BMPR1B: variants seen among roughly 807,000 people sequenced by gnomAD.
BMPR1B encodes bone morphogenetic protein receptor type-1B.
BMPR1B carries 12 observed loss-of-function variants against 59.1 expected under a neutral mutation model. The observed-to-expected ratio is 0.20, with a 90% CI of 0.13 to 0.33. The LOEUF (loss-of-function observed/expected upper bound fraction) is 0.33. Among genes scored for constraint, BMPR1B ranks in the 10% least tolerant of loss-of-function variants. The probability of loss-of-function intolerance (pLI) is 1.00; values close to 1 mark genes in which losing one functional copy is unlikely to be tolerated. For synonymous variants in BMPR1B, 237 were observed against 207.3 expected, an observed-to-expected ratio of 1.14 and a Z score of -1.23; for missense variants, 550 against 610.9, an observed-to-expected ratio of 0.90 and a Z score of 1.05.
chr4:94,775,589 G>A (rs186282446), intron 1 of BMPR1B, among the ~76,000 whole-genome samples: 1 of 152,218 alleles, frequency 6.6e-6, no homozygotes, highest in African/African-American at 2.4e-5. Context: ...ATTTTCCCTT[G>A]GATGAATTAT....
rs191933334 is a variant in BMPR1B, at chr4:94,937,612, G to A, written c.-112-58428G>A. Among the ~76,000 whole-genome samples the A allele has an allele frequency of 8.5e-5, 13 of 152,102 alleles. No individual in the cohort carries two copies. In the East Asian group the frequency reaches 1.9e-3, roughly 23 times the overall value. On this transcript the variant is annotated intron_variant, in intron 2 of 12. Coordinates refer to ENST00000515059, the MANE Select transcript of BMPR1B (RefSeq NM_001203.3). ...GTTTAGGGTTGAGATTTTATCTGAC[G>A]GGCAAGACTTAAATACATGAAATAA... is the stretch of plus-strand genomic sequence containing the variant.
At chr4:95,088,558 A>G (rs1729758793) in intron 3 of BMPR1B, among the ~76,000 whole-genome samples, 2 of 152,222 alleles carry the variant, frequency 1.3e-5, no homozygotes, top group African/African-American at 4.8e-5. Context: ...ATGTCATAAT[A>G]GCACAATTTT....
intron 1 of BMPR1B, among the ~76,000 whole-genome samples, chr4:94,802,256 G>A (rs367593306): frequency 2.6e-5 from 4 of 152,260 alleles, no homozygotes; most frequent in South Asian, 2.1e-4. Context: ...GGAGTCTGGC[G>A]TAGGGCTGTG....
intron 3 of BMPR1B, among the ~76,000 whole-genome samples, chr4:95,011,214 T>C (rs1259456891): frequency 1.3e-5 from 2 of 152,130 alleles, no homozygotes; most frequent in Non-Finnish European, 2.9e-5. Flanking sequence ...CCAATAGTTA[T>C]TTTTTCTGCT....
chr4:94,939,591 A>G (rs1462772992), intron 2 of BMPR1B, among the ~76,000 whole-genome samples: 1 of 152,188 alleles, frequency 6.6e-6, no homozygotes, highest in African/African-American at 2.4e-5. Flanking sequence ...GTTCAGAGCA[A>G]ACTGATAACT....
intron 6 of BMPR1B, among the ~76,000 whole-genome samples, chr4:95,116,421 G>GCGCGCGCACACACACACACACACA: frequency 1.8e-3 from 224 of 123,228 alleles, no homozygotes; most frequent in African/African-American, 7.4e-3. Context: ...TTCAGCGCGC[G>GCGCGCGCACACACACACACACACA]CACACACACA....
intron 2 of BMPR1B, among the ~76,000 whole-genome samples, chr4:94,946,987 G>A (rs1003421436): frequency 2.6e-5 from 4 of 152,106 alleles, no homozygotes; most frequent in Admixed American, 2.6e-4. Context: ...GGGAGGCAGA[G>A]GTTGCAGCGA....
intron 1 of BMPR1B, among the ~76,000 whole-genome samples, chr4:94,790,636 A>G (rs563539392): frequency 1.3e-4 from 20 of 152,338 alleles, no homozygotes; most frequent in Admixed American, 2.6e-4. Flanking sequence ...TTTAAGCTCT[A>G]CAATTTCAGT....
intron 2 of BMPR1B, among the ~76,000 whole-genome samples, chr4:94,951,589 T>C (rs1729940136): frequency 6.6e-6 from 1 of 151,092 alleles, no homozygotes; most frequent in African/African-American, 2.4e-5. Context: ...TGATTTGCCT[T>C]GCATCCCAGG....
chr4:94,816,271 C>G (rs1055910527), intron 1 of BMPR1B, among the ~76,000 whole-genome samples: 1 of 152,132 alleles, frequency 6.6e-6, no homozygotes, highest in Non-Finnish European at 1.5e-5. Flanking sequence ...TTCAGCCTCC[C>G]GAGTACCTGG....
intron 1 of BMPR1B, among the ~76,000 whole-genome samples, chr4:94,812,195 CAGTT>C (rs34768636): frequency 0.14 from 21,933 of 151,918 alleles, 2,552 homozygotes; most frequent in African/African-American, 0.32. Context: ...AATTTAAAGT[CAGTT>C]AGAGGAGAAG....
At chr4:94,902,061 G>A (rs1727831628) in intron 2 of BMPR1B, among the ~76,000 whole-genome samples, 1 of 110,460 alleles carries the variant, frequency 9.1e-6, no homozygotes. Flanking sequence ...GTGTGTGTGT[G>A]TGTGTGTGTG....
intron 1 of BMPR1B, among the ~76,000 whole-genome samples, chr4:94,840,175 C>T (rs372367603): frequency 6.8e-6 from 1 of 147,914 alleles, no homozygotes. Context: ...CCCGACCTTT[C>T]TCTCTGGCTG....
chr4:94,935,455 C>T (rs111405680), intron 2 of BMPR1B, among the ~76,000 whole-genome samples: 19 of 152,266 alleles, frequency 1.2e-4, no homozygotes, highest in African/African-American at 4.6e-4. Context: ...GTGAACAAGA[C>T]GGGCATTTTC....
chr4:94,998,424 A>G (rs1578901694), intron 3 of BMPR1B, among the ~76,000 whole-genome samples: 1 of 148,618 alleles, frequency 6.7e-6, no homozygotes, highest in Non-Finnish European at 1.5e-5. Flanking sequence ...CCCAGGCTGG[A>G]GTGCAATGGC....
In BMPR1B at chr4:95,130,104, G is replaced by T. The variant is rs778566601; in HGVS notation, c.778+50G>T. 1.8e-5 allele frequency: 28 copies of T among 1,589,072 alleles called. No individual in the cohort carries two copies. The South Asian group carries it at 2.4e-4, about 14-fold the overall frequency. On this transcript the variant is annotated intron_variant, in intron 9 of 12. Coordinates refer to ENST00000515059, the MANE Select transcript of BMPR1B (RefSeq NM_001203.3). ...GTTCAGGGTTTCCTAGCTTTCCTCT[G>T]TCTTTCTGTTAACATCTGCATGTTA...
intron 1 of BMPR1B, among the ~76,000 whole-genome samples, chr4:94,851,328 A>G (rs946664762): frequency 6.6e-6 from 1 of 152,208 alleles, no homozygotes; most frequent in Admixed American, 6.5e-5. Flanking sequence ...ATTTTGAGTT[A>G]TAACTTGCTG....
At chr4:95,000,219 A>T (rs773465915) in intron 3 of BMPR1B, among the ~76,000 whole-genome samples, 20 of 135,290 alleles carry the variant, frequency 1.5e-4, no homozygotes, top group Non-Finnish European at 2.8e-4. Flanking sequence ...ATTGAATATG[A>T]CTCTTCTGTT....
chr4:94,902,818 T>C (rs1727884434), intron 2 of BMPR1B, among the ~76,000 whole-genome samples: 1 of 152,042 alleles, frequency 6.6e-6, no homozygotes, highest in African/African-American at 2.4e-5. Flanking sequence ...ATCTTCACTT[T>C]AATGATGGAA....
Sources: gnomAD v4.1 joint callset for allele counts (sites outside exome capture counted in the v4.1 genomes callset) on GRCh38, gnomAD v4.1.1 for gene constraint, MANE v1.5 for transcripts, NCBI Gene and HGNC (gene_info 2026-07-23, HGNC 2026-07-21) for gene names.